The following TRABD2A variants were observed in gnomAD, a reference collection of about 807,000 sequenced individuals.
TRABD2A encodes TraB domain containing 2A.
Under a neutral mutation model 45.6 loss-of-function variants are expected in TRABD2A, and 43 were observed. The observed-to-expected ratio is 0.94, with a 90% CI of 0.74 to 1.22. The LOEUF (loss-of-function observed/expected upper bound fraction) is 1.22. Among genes scored for constraint, TRABD2A ranks in the 50% most tolerant of loss-of-function variants. TRABD2A has a pLI of 0.00. For synonymous variants in TRABD2A, 269 were observed against 265.0 expected (o/e 1.02, Z -0.15); for missense variants, 642 against 652.4 (o/e 0.98, Z 0.17).
At chr2:84,862,928 G>A (rs1218101306) in intron 2 of TRABD2A, among the ~76,000 whole-genome samples, 1 of 151,436 alleles carries the variant, frequency 6.6e-6, no homozygotes, top group Non-Finnish European at 1.5e-5. Flanking sequence ...GAAACTAAAG[G>A]GATGTCCAAC....
chr2:84,853,986 C>T (rs1682184289), intron 2 of TRABD2A, among the ~76,000 whole-genome samples: 1 of 151,750 alleles, frequency 6.6e-6, no homozygotes, highest in African/African-American at 2.4e-5. Context: ...CCCCACTGCA[C>T]TCCTGCCTGG....
In TRABD2A at chr2:84,874,284, T is replaced by A. The variant is rs143393631; in HGVS notation, c.109-3499A>T. 3.7e-4 allele frequency among the ~76,000 whole-genome samples: 56 copies of A among 152,332 alleles called. 2 individuals are homozygous for A. In the East Asian group the frequency reaches 9.2e-3, roughly 25 times the overall value. ...ATTTAAAAACACACACACACGCACATACACGTCTGGCCTCTAGCCATGTAA... is the reference window on the plus strand; with the variant it reads ...ATTTAAAAACACACACACACGCACAAACACGTCTGGCCTCTAGCCATGTAA... On this transcript the variant is annotated intron_variant, in intron 1 of 6. Transcript: ENST00000409520.
At chr2:84,853,516 C>T (rs1304070039) in intron 2 of TRABD2A, among the ~76,000 whole-genome samples, 2 of 152,152 alleles carry the variant, frequency 1.3e-5, no homozygotes, top group Admixed American at 6.5e-5. Flanking sequence ...CAATTACCTC[C>T]CACCTGGTCC....
At chr2:84,828,075 G>T (rs1441009115) in intron 5 of TRABD2A, among the ~76,000 whole-genome samples, 1 of 152,218 alleles carries the variant, frequency 6.6e-6, no homozygotes, top group African/African-American at 2.4e-5. Context: ...ACCCCAGGGG[G>T]AGAAGGGAGG....
intron 1 of TRABD2A, among the ~76,000 whole-genome samples, chr2:84,872,001 G>A (rs145216281): frequency 4.5e-4 from 68 of 152,214 alleles, no homozygotes; most frequent in Middle Eastern, 6.8e-3. Context: ...GCTGAGCAGC[G>A]GTGCATGTTC....
intron 2 of TRABD2A, among the ~76,000 whole-genome samples, chr2:84,845,189 A>G (rs11680623): frequency 0.2 from 30,462 of 152,096 alleles, 3,572 homozygotes; most frequent in Non-Finnish European, 0.26. Context: ...TGTCTCTACT[A>G]AAAATACAAA....
In TRABD2A at chr2:84,821,810, A is replaced by G. The variant is rs1158160675; in HGVS notation, c.*107T>C. On this transcript the variant is annotated 3_prime_UTR_variant, in exon 7 of 7. Transcript: ENST00000409520. ...AACACTGGGCCGCTTTTTCAAGAGC[A>G]GTCTCTTCTGGATTGGGCCCAACAA... 1.7e-6 allele frequency: 2 copies of G among 1,192,686 alleles called. No homozygotes were observed. Among genetic ancestry groups the G allele is most frequent in the African/African-American group, 3.2e-5 (2 of 63,410 alleles). 73.9% of individuals were successfully genotyped at this position (1,192,686 alleles called of 1,614,324 possible).
chr2:84,851,695 G>T (rs1682101573), intron 2 of TRABD2A, among the ~76,000 whole-genome samples: 1 of 152,224 alleles, frequency 6.6e-6, no homozygotes, highest in Admixed American at 6.5e-5. Flanking sequence ...AATGGAAAAT[G>T]TGCATGTCCT....
chr2:84,830,718 G>C lies in TRABD2A; in HGVS notation c.1082+1337C>G, dbSNP rs1364271602. Among the ~76,000 whole-genome samples, 1 of 152,194 alleles carries C rather than the reference G, an allele frequency of 6.6e-6. No homozygotes were observed. The highest frequency in any genetic ancestry group is 2.4e-5 in the African/African-American group (1 of 41,440). On this transcript the variant is annotated intron_variant, in intron 5 of 6. Coordinates refer to ENST00000409520, the MANE Select transcript of TRABD2A (RefSeq NM_001277053.2). This position sits in a 1 kb window ranked among gnomAD's most constrained non-coding sequence, Gnocchi z 4.9. ...TGACATACTGAATACAGGGCATGAA[G>C]ACAGGTGGGGATGAGAGAAGTCCAG...
At chr2:84,870,090 C>A (rs1360519057) in intron 2 of TRABD2A, 135 bp downstream of exon 2, 2 of 892,370 alleles carry the variant, frequency 2.2e-6, no homozygotes, top group African/African-American at 1.7e-5. Flanking sequence ...TTTTTTTTAA[C>A]CCCCGGAAAA....
chr2:84,855,856 G>A (rs1157571786), intron 2 of TRABD2A, among the ~76,000 whole-genome samples: 1 of 152,134 alleles, frequency 6.6e-6, no homozygotes, highest in East Asian at 1.9e-4. Flanking sequence ...GAGGGGGTTC[G>A]AGTCCGGCAG....
At chr2:84,861,198 G>T (rs1682485446) in intron 2 of TRABD2A, among the ~76,000 whole-genome samples, 1 of 152,178 alleles carries the variant, frequency 6.6e-6, no homozygotes, top group Non-Finnish European at 1.5e-5. Flanking sequence ...GGTGAGGGGT[G>T]CTGTTGGGGG....
At chr2:84,825,332 CGT>C (rs1431584592) in intron 5 of TRABD2A, among the ~76,000 whole-genome samples, 1 of 151,924 alleles carries the variant, frequency 6.6e-6, no homozygotes, top group East Asian at 1.9e-4. Context: ...TATTAATGGC[CGT>C]GTGTGAGGAA....
chr2:84,842,676 C>G (rs1220704932), intron 2 of TRABD2A, among the ~76,000 whole-genome samples: 1 of 151,174 alleles, frequency 6.6e-6, no homozygotes, highest in Non-Finnish European at 1.5e-5. Flanking sequence ...TTGCAGTAAG[C>G]CAAGATTGTG....
At chr2:84,867,299 A>G (rs982870511) in intron 2 of TRABD2A, among the ~76,000 whole-genome samples, 1 of 152,230 alleles carries the variant, frequency 6.6e-6, no homozygotes, top group Non-Finnish European at 1.5e-5. Context: ...TAAAATCAAC[A>G]TGACACTGTA....
chr2:84,852,644 C>CA (rs1682137232), intron 2 of TRABD2A, among the ~76,000 whole-genome samples: 1 of 152,106 alleles, frequency 6.6e-6, no homozygotes. Context: ...AGCACCTCAG[C>CA]AAGAGCCACC....
chr2:84,866,247 G>A (rs1255224702), intron 2 of TRABD2A, among the ~76,000 whole-genome samples: 2 of 152,178 alleles, frequency 1.3e-5, no homozygotes, highest in Non-Finnish European at 2.9e-5. Flanking sequence ...TAAAGGGGGC[G>A]GCCAGTGCTC....
At chr2:84,834,463 T>G (rs767969479) in intron 4 of TRABD2A, 5 of 152,294 alleles carry the variant, frequency 3.3e-5, no homozygotes, top group Non-Finnish European at 7.3e-5. Context: ...AAATTCATCC[T>G]TTTAACGTAT....
chr2:84,822,007 C>T lies in TRABD2A; in HGVS notation c.1428G>A (p.Gln476=), dbSNP rs1053804610. 1.9e-6 allele frequency: 3 copies of T among 1,598,274 alleles called. No individual in the cohort carries two copies. The highest frequency in any genetic ancestry group is 2.6e-6 in the Non-Finnish European group (3 of 1,172,738). ...LPRRGHSHHS[Q]MVASSACLSL... ...ACAGGCAGGCACTGCTGGCCACCAT[C>T]TGGCTGTGGTGGGAATGCCCACGGC... The change falls in exon 7 of 7, where the codon CAG becomes CAA. Residue 476 remains glutamine, a synonymous_variant. Transcript: ENST00000409520.
Sources: gnomAD v4.1 joint callset for allele counts (sites outside exome capture counted in the v4.1 genomes callset) on GRCh38, gnomAD v4.1.1 for gene constraint, Gnocchi (gnomAD v3.1) non-coding constraint, MANE v1.5 for transcripts, NCBI Gene and HGNC (gene_info 2026-07-23, HGNC 2026-07-21) for gene names.